Variants in PRKG1 observed in about 807,000 individuals in gnomAD.
The protein encoded by PRKG1 is cGMP-dependent protein kinase 1.
A neutral mutation model predicts 88.1 loss-of-function variants in PRKG1; 35 were observed. The observed-to-expected ratio is 0.40, with a 90% CI of 0.30 to 0.53. The LOEUF is 0.53. Among genes scored for constraint, PRKG1 ranks in the 20% least tolerant of loss-of-function variants. The pLI, the probability that PRKG1 is intolerant of heterozygous loss-of-function variation, is 0.59. For synonymous variants in PRKG1, 303 were observed against 292.5 expected (o/e 1.04, Z -0.37); for missense variants, 540 against 839.8 (o/e 0.64, Z 4.41).
chr10:51,127,924 C>T (rs1845471676), intron 1 of PRKG1, among the ~76,000 whole-genome samples: 1 of 152,046 alleles, frequency 6.6e-6, no homozygotes, highest in South Asian at 2.1e-4. Context: ...CACATGGACT[C>T]AGGGAGGGAA....
intron 1 of PRKG1, among the ~76,000 whole-genome samples, chr10:51,094,253 C>T (rs537368924): frequency 1.3e-5 from 2 of 151,980 alleles, no homozygotes; most frequent in South Asian, 4.2e-4. Flanking sequence ...CTTCTTGTAG[C>T]ACTCAGCTTC....
At position 51,273,104 on chromosome 10, in the gene PRKG1, G is replaced by A. The variant is rs138462664; in HGVS notation, c.478+119774G>A. 7.5e-4 allele frequency among the ~76,000 whole-genome samples: 114 copies of A among 152,212 alleles called. 3 individuals carry two copies. Among genetic ancestry groups the A allele is most frequent in the African/African-American group, 2.6e-3 (109 of 41,542 alleles). Reference sequence around the variant, plus strand: ...AGTGCCCTTGCCTCTGCATCACTGGGCATGGAGTCTTCTTAAGCATTAAGA... The same window carrying A: ...AGTGCCCTTGCCTCTGCATCACTGGACATGGAGTCTTCTTAAGCATTAAGA... On this transcript the variant is annotated intron_variant, in intron 2 of 17. Transcript: ENST00000373980.
chr10:51,014,070 G>A (rs956598153), intron 1 of PRKG1, among the ~76,000 whole-genome samples: 1 of 152,084 alleles, frequency 6.6e-6, no homozygotes, highest in Non-Finnish European at 1.5e-5. Context: ...CATTTTTGAG[G>A]GCAATGGAAG....
intron 10 of PRKG1, chr10:52,252,232 T>A (rs1409199742): frequency 6.6e-6 from 1 of 152,092 alleles, no homozygotes; most frequent in Non-Finnish European, 1.5e-5. Context: ...TATACATACA[T>A]CTATATATTC....
chr10:51,220,647 C>T (rs1189078375), intron 2 of PRKG1, among the ~76,000 whole-genome samples: 1 of 151,840 alleles, frequency 6.6e-6, no homozygotes, highest in Non-Finnish European at 1.5e-5. Flanking sequence ...TCATTGTTTG[C>T]CATGGTTGAG....
At chr10:51,601,443 G>A (rs1169960667) in intron 3 of PRKG1, among the ~76,000 whole-genome samples, 2 of 152,186 alleles carry the variant, frequency 1.3e-5, no homozygotes, top group Non-Finnish European at 2.9e-5. Context: ...CTTGCTGTGT[G>A]AAGAATTGCG....
intron 4 of PRKG1, among the ~76,000 whole-genome samples, chr10:51,886,703 C>A (rs184088884): frequency 1.5e-3 from 230 of 152,268 alleles, no homozygotes; most frequent in African/African-American, 5.3e-3. Flanking sequence ...CATGCTGTAA[C>A]AAATGGCAGC....
chr10:51,501,837 A>G (rs1263766042), intron 3 of PRKG1, among the ~76,000 whole-genome samples: 1 of 120,094 alleles, frequency 8.3e-6, no homozygotes, highest in Non-Finnish European at 1.6e-5. Context: ...TCAAGCATCT[A>G]TACAAAGTTA....
chr10:51,164,348 G>A (rs1366854192), intron 2 of PRKG1, among the ~76,000 whole-genome samples: 1 of 152,142 alleles, frequency 6.6e-6, no homozygotes, highest in East Asian at 1.9e-4. Context: ...CTGTCTGTTA[G>A]AAGGCAAACT....
chr10:52,142,449 AAG>A (rs1199576578), intron 8 of PRKG1, among the ~76,000 whole-genome samples: 1 of 152,190 alleles, frequency 6.6e-6, no homozygotes, highest in African/African-American at 2.4e-5. Context: ...CCACCTGAAA[AAG>A]AGGAATTGAT....
chr10:52,129,575 A>C (rs955523942), intron 7 of PRKG1, among the ~76,000 whole-genome samples: 11 of 152,186 alleles, frequency 7.2e-5, no homozygotes, highest in Non-Finnish European at 1.2e-4. Flanking sequence ...TTAGAGAGCT[A>C]CAAGCACCTT....
chr10:51,376,216 C>G (rs1366047216), intron 2 of PRKG1, among the ~76,000 whole-genome samples: 1 of 152,168 alleles, frequency 6.6e-6, no homozygotes, highest in East Asian at 1.9e-4. Flanking sequence ...CTTTTCTAAA[C>G]TATTCATAAT....
intron 3 of PRKG1, among the ~76,000 whole-genome samples, chr10:51,708,199 G>T (rs1841656496): frequency 6.6e-6 from 1 of 152,134 alleles, no homozygotes; most frequent in Non-Finnish European, 1.5e-5. Flanking sequence ...CTTGCAAATG[G>T]CTGCCTCCTC....
chr10:51,381,059 C>T (rs1400869643), intron 2 of PRKG1, among the ~76,000 whole-genome samples: 1 of 151,342 alleles, frequency 6.6e-6, no homozygotes, highest in Non-Finnish European at 1.5e-5. Flanking sequence ...TTCAGAAAGA[C>T]CAGCCTGGCC....
intron 3 of PRKG1, among the ~76,000 whole-genome samples, chr10:51,498,546 C>G (rs948741435): frequency 4.6e-5 from 7 of 152,090 alleles, no homozygotes; most frequent in African/African-American, 1.7e-4. Flanking sequence ...CTTAGTCATT[C>G]CACAATGTAT....
At chr10:51,309,757 GA>G (rs200349924) in intron 2 of PRKG1, among the ~76,000 whole-genome samples, 2,408 of 150,592 alleles carry the variant, frequency 0.016, 50 homozygotes, top group African/African-American at 0.054. Flanking sequence ...CTACCCAAAG[GA>G]AAAAAAAATT....
At chr10:51,410,751 G>C (rs747974369) in intron 2 of PRKG1, among the ~76,000 whole-genome samples, 2 of 151,674 alleles carry the variant, frequency 1.3e-5, no homozygotes, top group Non-Finnish European at 2.9e-5. Flanking sequence ...TTTAAAAAAT[G>C]ATTTCAACTA....
At chr10:52,056,192 T>C (rs1846107045) in intron 6 of PRKG1, among the ~76,000 whole-genome samples, 1 of 152,152 alleles carries the variant, frequency 6.6e-6, no homozygotes, top group Non-Finnish European at 1.5e-5. Context: ...TATTTTGTAG[T>C]TTATAAGATA....
At chr10:51,016,876 C>T (rs895154825) in intron 1 of PRKG1, among the ~76,000 whole-genome samples, 1 of 150,986 alleles carries the variant, frequency 6.6e-6, no homozygotes, top group Non-Finnish European at 1.5e-5. Context: ...ACCATGTTGG[C>T]CAGTAGGGTC....
Sources: allele counts gnomAD v4.1 joint callset (sites outside exome capture counted in the v4.1 genomes callset), GRCh38; gene constraint gnomAD v4.1.1; transcripts MANE v1.5; gene names NCBI Gene and HGNC (gene_info 2026-07-23, HGNC 2026-07-21).